DNAH17: variants seen among roughly 807,000 people sequenced by gnomAD.
The protein encoded by DNAH17 is axonemal beta dynein heavy chain 17.
In DNAH17, 376 loss-of-function variants were observed where a neutral mutation model predicts 485.6. The ratio of observed to expected loss-of-function variants is 0.77; its 90% CI spans 0.71 to 0.84. DNAH17 has a LOEUF of 0.84. Among genes scored for constraint, DNAH17 ranks in the 40% least tolerant of loss-of-function variants. The pLI is 0.00. For missense variants in DNAH17, 6,370 were observed against 5,839.3 expected, an observed-to-expected ratio of 1.09 and a Z score of -2.96; for synonymous variants, 3,031 against 2,405.9, an observed-to-expected ratio of 1.26 and a Z score of -7.60.
chr17:78,553,035 G>T lies in DNAH17; in HGVS notation c.2179-230C>A, dbSNP rs368141670. 6.4e-4 allele frequency among the ~76,000 whole-genome samples: 98 copies of T among 152,228 alleles called. No individual in the cohort carries two copies. The South Asian group carries it at 0.02, about 31-fold the overall frequency. On this transcript the variant is annotated intron_variant, in intron 14 of 80. Transcript: ENST00000389840. ...TGGTGTAGCATCACCCCCCGATGCC[G>T]TTCTTGGGATAGTGAATGAATTCTC...
chr17:78,486,303 T>A lies in DNAH17; in HGVS notation c.7022A>T (p.Asp2341Val), dbSNP rs763724688. ...CLLTEKTVPP[D>V]SPRELYELYF... ...CAGCTCGTACAGCTCCCTGGGGGAGTCGGGGGGCACGGTCTTCTCCGTGAG... is the reference window on the plus strand; with the variant it reads ...CAGCTCGTACAGCTCCCTGGGGGAGACGGGGGGCACGGTCTTCTCCGTGAG... The change falls in exon 45 of 81, where the codon GAC becomes GTC. Residue 2341 changes from aspartate (D) to valine (V), a missense_variant. Physicochemically the swap from Asp to Val is radical, Grantham distance 152. Coordinates refer to ENST00000389840, the MANE Select transcript of DNAH17 (RefSeq NM_173628.4). 6.2e-7 allele frequency: 1 copy of A among 1,611,002 alleles called. No individual in the cohort carries two copies.
rs201273328 is a variant in DNAH17 at position 78,485,974 on chromosome 17, C to T, written c.7261G>A (p.Asp2421Asn). 1,629 of 1,612,298 alleles carry T rather than the reference C, an allele frequency of 1.0e-3. 1 individual carries two copies. Among genetic ancestry groups the T allele is most frequent in the Non-Finnish European group, 1.3e-3 (1,565 of 1,179,652 alleles). Reference sequence around the variant, plus strand: ...GGGACAGTTACCTGCAGTGGGACATCGGGATCCAGCTCAAAGGAGGGCACT... The same window carrying T: ...GGGACAGTTACCTGCAGTGGGACATTGGGATCCAGCTCAAAGGAGGGCACT... ...DKVPSFELDP[D>N]VPLQASLVHT... Residue 2421 changes from aspartate (D) to asparagine (N), a missense_variant, in exon 46 of 81, where the codon GAT becomes AAT. Coordinates refer to ENST00000389840, the MANE Select transcript of DNAH17 (RefSeq NM_173628.4).
At chr17:78,445,455 C>G in intron 70 of DNAH17, 103 bp downstream of exon 70, 1 of 1,454,526 alleles carries the variant, frequency 6.9e-7, no homozygotes, top group Non-Finnish European at 9.2e-7. Context: ...AATTTATGGG[C>G]CACAGAGCCT....
chr17:78,475,490 C>G (rs144057202), intron 53 of DNAH17, 21 bp from the exon 54 acceptor site: 1 of 1,613,222 alleles, frequency 6.2e-7, no homozygotes, highest in Non-Finnish European at 8.5e-7. Flanking sequence ...CGGAGAGATC[C>G]CACAACATCT....
chr17:78,507,747 G>A lies in DNAH17; in HGVS notation c.4295C>T (p.Pro1432Leu), dbSNP rs377620115. ...SMMEFQHEPH[P>L]RTGTMMLKSS... The stretch of plus-strand genomic sequence containing the variant: ...CTTGAGCATCATGGTGCCTGTCCGC[G>A]GGTGCGGCTCGTGCTGGAATTCCAT... Residue 1432 changes from proline to leucine, a missense_variant, in exon 28 of 81, where the codon CCG becomes CTG. Physicochemically the swap from Pro to Leu is moderately conservative, Grantham distance 98 (BLOSUM62 -3). Coordinates refer to ENST00000389840, the MANE Select transcript of DNAH17 (RefSeq NM_173628.4). 25 of 1,600,366 alleles carry A rather than the reference G, an allele frequency of 1.6e-5. No individual in the cohort carries two copies. Among genetic ancestry groups the A allele is most frequent in the African/African-American group, 9.4e-5 (7 of 74,866 alleles).
At chr17:78,530,636 G>T in intron 20 of DNAH17, 124 bp from the exon 21 acceptor site, 2 of 1,210,024 alleles carry the variant, frequency 1.7e-6, no homozygotes, top group South Asian at 1.5e-5. Context: ...GCCACTCTGG[G>T]GCCAGGGTCA....
chr17:78,566,550 C>T (rs754823603), intron 11 of DNAH17, 64 bp downstream of exon 11: 452 of 1,213,336 alleles, frequency 3.7e-4, no homozygotes, highest in Non-Finnish European at 4.3e-4. Flanking sequence ...AGATCGTTCT[C>T]GACATGAATC....
intron 61 of DNAH17, 147 bp downstream of exon 61, chr17:78,458,854 G>T: frequency 9.4e-7 from 1 of 1,069,082 alleles, no homozygotes; most frequent in Non-Finnish European, 1.4e-6. Flanking sequence ...GGCACCATCT[G>T]GCCCCTGCCT....
At chr17:78,491,315 A>T in intron 43 of DNAH17, 128 bp downstream of exon 43, 1 of 1,343,686 alleles carries the variant, frequency 7.4e-7, no homozygotes, top group South Asian at 1.5e-5. Flanking sequence ...CTTCCTGTGG[A>T]GATCCAGACA....
intron 21 of DNAH17, 139 bp from the exon 22 acceptor site, chr17:78,529,833 C>A (rs990617501): frequency 2.5e-6 from 2 of 789,360 alleles, no homozygotes; most frequent in Non-Finnish European, 4.0e-6. Context: ...GAGGGAGCGC[C>A]CCTGCCCACC....
chr17:78,573,611 A>G (rs75360423), intron 2 of DNAH17, among the ~76,000 whole-genome samples: 2 of 139,204 alleles, frequency 1.4e-5, no homozygotes, highest in African/African-American at 2.6e-5. Flanking sequence ...AAAAAAAAAA[A>G]AGAGGTGAGT....
intron 54 of DNAH17, chr17:78,472,638 TG>T (rs1276494494): frequency 1.8e-5 from 8 of 437,224 alleles, no homozygotes; most frequent in Non-Finnish European, 4.6e-6. Flanking sequence ...GTGTGGGGTG[TG>T]GGGAGGGGAG....
At chr17:78,538,264 C>T (rs2091431768) in intron 18 of DNAH17, among the ~76,000 whole-genome samples, 1 of 152,154 alleles carries the variant, frequency 6.6e-6, no homozygotes, top group Non-Finnish European at 1.5e-5. Context: ...GCCTGCCTGT[C>T]CCTCTCCCTT....
At chr17:78,432,870 A>T (rs1413577744) in intron 75 of DNAH17, among the ~76,000 whole-genome samples, 1 of 144,542 alleles carries the variant, frequency 6.9e-6, no homozygotes, top group Non-Finnish European at 1.5e-5. Context: ...TGGAGGTCTC[A>T]GTGAATGAGT....
At position 78,459,778 on chromosome 17, in the gene DNAH17, A is replaced by C. The variant is rs2088003013; in HGVS notation, c.9653+6T>G. The C allele has an allele frequency of 1.2e-6, 2 of 1,613,664 alleles. No individual in the cohort carries two copies. Among genetic ancestry groups the C allele is most frequent in the Non-Finnish European group, 8.5e-7 (1 of 1,179,806 alleles). On this transcript the variant is annotated splice_donor_region_variant and intron_variant, in intron 60 of 80. Transcript: ENST00000389840. ...GCCCCGGCTACGAGGCCCAGCCCCG[A>C]CTCACTTGAAGGCCTTCAGGCAGGC...
At chr17:78,502,835 C>T (rs535984257) in intron 32 of DNAH17, 51 bp downstream of exon 32, 81 of 1,597,516 alleles carry the variant, frequency 5.1e-5, no homozygotes, top group Admixed American at 4.7e-4. Flanking sequence ...CAAAGAAACT[C>T]GCCCCTTATC....
At position 78,514,938 on chromosome 17, in the gene DNAH17, C is replaced by CA; in HGVS notation, c.3948dup (p.Ala1317CysfsTer59). On this transcript the variant is annotated frameshift_variant, in exon 26 of 81. Coordinates refer to ENST00000389840, the MANE Select transcript of DNAH17 (RefSeq NM_173628.4). LOFTEE classifies it high-confidence loss of function. ...TTGTCCAAAGACCTCATGTCCTTGG[C>CA]AAACTTCTTACAATCTATGTCCATC... 1 of 1,614,064 alleles carries CA rather than the reference C, an allele frequency of 6.2e-7. No homozygotes were observed. The highest frequency in any genetic ancestry group is 8.5e-7 in the Non-Finnish European group (1 of 1,179,902).
Position 78,550,107 on chromosome 17 carries a change from A to AGGGAGGTGTG in DNAH17, c.2391+1418_2391+1427dup, listed in dbSNP as rs1054171008. ...AAATGGCCTGTGTGCCAGAGCAGACAGGGAGGTGTGGGGAGGCGTGGGGAG... is the reference window on the plus strand; with the variant it reads ...AAATGGCCTGTGTGCCAGAGCAGACAGGGAGGTGTGGGGAGGTGTGGGGAGGCGTGGGGAG... On this transcript the variant is annotated intron_variant, in intron 16 of 80. Coordinates refer to ENST00000389840, the MANE Select transcript of DNAH17 (RefSeq NM_173628.4). Among the ~76,000 whole-genome samples the AGGGAGGTGTG allele has an allele frequency of 7.2e-5, 11 of 152,328 alleles. No individual in the cohort carries two copies. The South Asian group carries it at 1.7e-3, about 23-fold the overall frequency.
rs145782946 is a variant in DNAH17, at chr17:78,551,618, C to G, written c.2308G>C (p.Glu770Gln). 1.2e-5 allele frequency: 19 copies of G among 1,613,954 alleles called. No homozygotes were observed. The African/African-American group carries it at 2.4e-4, about 20-fold the overall frequency. Reference sequence around the variant, plus strand: ...AAGTTGTGCAGAATTTCTCGCACCTCTTGAATGTACTGAAACACACCTAAA... The same window carrying G: ...AAGTTGTGCAGAATTTCTCGCACCTGTTGAATGTACTGAAACACACCTAAA... ...NGEGVFQYIQ[E>Q]VREILHNLQN... Residue 770 changes from glutamate (E) to glutamine (Q), a missense_variant, in exon 16 of 81, where the codon GAG becomes CAG. Coordinates refer to ENST00000389840, the MANE Select transcript of DNAH17 (RefSeq NM_173628.4).
Sources: gnomAD v4.1 joint callset for allele counts (sites outside exome capture counted in the v4.1 genomes callset) on GRCh38, gnomAD v4.1.1 for gene constraint, MANE v1.5 for transcripts, NCBI Gene and HGNC (gene_info 2026-07-23, HGNC 2026-07-21) for gene names.